Variants in GRM5 observed in about 807,000 individuals in gnomAD.
The protein encoded by GRM5 is metabotropic glutamate receptor 5.
A neutral mutation model predicts 83.1 loss-of-function variants in GRM5; 19 were observed. The observed-to-expected ratio is 0.23, with a 90% CI of 0.16 to 0.34. GRM5 has a LOEUF of 0.34. Ranked by LOEUF, GRM5 falls within the 10% of genes least tolerant of loss-of-function variation. GRM5 has a pLI of 1.00. For missense variants in GRM5, 1,160 were observed against 1,588.3 expected (o/e 0.73, Z 4.58); for synonymous variants, 675 against 633.6 (o/e 1.07, Z -0.98).
chr11:89,015,918 C>T (rs1423126563), intron 2 of GRM5, among the ~76,000 whole-genome samples: 1 of 152,090 alleles, frequency 6.6e-6, no homozygotes, highest in Non-Finnish European at 1.5e-5. Context: ...TTTGTTTTCT[C>T]TCCTGATCTA....
chr11:88,919,429 T>C (rs534036063), intron 2 of GRM5, among the ~76,000 whole-genome samples: 1 of 150,870 alleles, frequency 6.6e-6, no homozygotes, highest in Admixed American at 6.6e-5. Flanking sequence ...AAGAGAGTGA[T>C]AGATCCCAAT....
intron 2 of GRM5, among the ~76,000 whole-genome samples, chr11:88,850,504 C>T (rs1385371295): frequency 6.6e-6 from 1 of 151,830 alleles, no homozygotes; most frequent in Non-Finnish European, 1.5e-5. Context: ...TCTCACTTCC[C>T]TTTACTTCTC....
chr11:88,609,626 G>T (rs1176190266), intron 4 of GRM5, among the ~76,000 whole-genome samples: 1 of 152,090 alleles, frequency 6.6e-6, no homozygotes, highest in African/African-American at 2.4e-5. Context: ...ACACATTCTG[G>T]ATATTAGACA....
At chr11:88,734,383 A>C (rs1941867937) in intron 3 of GRM5, among the ~76,000 whole-genome samples, 1 of 152,012 alleles carries the variant, frequency 6.6e-6, no homozygotes, top group Non-Finnish European at 1.5e-5. Context: ...GTTGGGAGGA[A>C]TGTAAAATGG....
intron 2 of GRM5, among the ~76,000 whole-genome samples, chr11:88,850,691 T>C (rs916811626): frequency 1.3e-5 from 2 of 151,250 alleles, no homozygotes; most frequent in Non-Finnish European, 2.9e-5. Flanking sequence ...TGGTTTGGTC[T>C]TAATTGAAAA....
At position 88,604,754 on chromosome 11, in the gene GRM5, G is replaced by A. The variant is rs61741175; in HGVS notation, c.1358C>T (p.Thr453Met). 6,941 of 1,611,446 alleles carry A rather than the reference G, an allele frequency of 4.3e-3. 260 individuals carry two copies. In the African/African-American group the frequency reaches 0.081, roughly 19 times the overall value. ...KTNFTGVSGD[T>M]ILFDENGDSP... is the part of the protein sequence containing the mutation. ...GTCTCCATTCTCATCGAATAGGATC[G>A]TATCTCCAGAAACCCCAGTAAAATT... Residue 453 changes from threonine (T) to methionine (M), a missense_variant, in exon 5 of 10, where the codon ACG becomes ATG. Thr to Met is a moderately conservative substitution (Grantham distance 81, BLOSUM62 -1). Around this residue, in one of 9 missense-constraint regions of GRM5, gnomAD observed 132 missense variants for 197.6 expected, o/e 0.67. Transcript: ENST00000305447.
chr11:89,023,894 T>A (rs867820397), intron 2 of GRM5, among the ~76,000 whole-genome samples: 147 of 110,776 alleles, frequency 1.3e-3, no homozygotes, highest in South Asian at 9.7e-3. Context: ...AATAAATAAA[T>A]AAAAATAAAT....
chr11:88,649,309 C>G (rs933059844), intron 4 of GRM5, among the ~76,000 whole-genome samples: 1 of 136,766 alleles, frequency 7.3e-6, no homozygotes, highest in Non-Finnish European at 1.5e-5. Flanking sequence ...TTATACATTA[C>G]ATATTACATA....
intron 2 of GRM5, among the ~76,000 whole-genome samples, chr11:89,045,851 C>T (rs1465975331): frequency 6.6e-6 from 1 of 152,152 alleles, no homozygotes; most frequent in Non-Finnish European, 1.5e-5. Context: ...TTTTCTTATG[C>T]TTTTCACTGA....
chr11:88,913,587 CTTTTTT>C (rs5793358), intron 2 of GRM5, among the ~76,000 whole-genome samples: 2 of 87,386 alleles, frequency 2.3e-5, no homozygotes, highest in African/African-American at 8.0e-5. Flanking sequence ...CTCTCTCTCT[CTTTTTT>C]TTTTTTTTTT....
intron 2 of GRM5, among the ~76,000 whole-genome samples, chr11:88,887,927 A>C (rs549560134): frequency 6.6e-6 from 1 of 152,258 alleles, no homozygotes; most frequent in South Asian, 2.1e-4. Context: ...ATAATTCCCC[A>C]AAATGAGAAA....
intron 4 of GRM5, among the ~76,000 whole-genome samples, chr11:88,618,284 T>C (rs1168401600): frequency 6.6e-6 from 1 of 152,192 alleles, no homozygotes; most frequent in Admixed American, 6.5e-5. Flanking sequence ...ACGTCCAGAA[T>C]ATGGCAACTG....
intron 3 of GRM5, among the ~76,000 whole-genome samples, chr11:88,740,321 C>T (rs926796932): frequency 1.3e-5 from 2 of 151,868 alleles, no homozygotes; most frequent in Non-Finnish European, 2.9e-5. Flanking sequence ...CTATTGCCTC[C>T]CTTATTTCTT....
intron 8 of GRM5, among the ~76,000 whole-genome samples, chr11:88,525,680 A>G (rs2135108688): frequency 6.6e-6 from 1 of 152,368 alleles, no homozygotes; most frequent in Middle Eastern, 3.4e-3. Flanking sequence ...TTAATAGTCA[A>G]TGGTAAAGGT....
At chr11:88,693,105 A>G (rs1159122990) in intron 3 of GRM5, among the ~76,000 whole-genome samples, 1 of 152,068 alleles carries the variant, frequency 6.6e-6, no homozygotes, top group East Asian at 1.9e-4. Context: ...TTAAAGCTAT[A>G]CACGAAGATT....
At chr11:89,057,745 C>T (rs1217048586) in intron 1 of GRM5, among the ~76,000 whole-genome samples, 3 of 152,100 alleles carry the variant, frequency 2.0e-5, no homozygotes, top group Non-Finnish European at 4.4e-5. Context: ...GACTGTAAAT[C>T]ATTATTTATA....
At chr11:88,584,335 C>T (rs1591364599) in intron 7 of GRM5, among the ~76,000 whole-genome samples, 1 of 151,710 alleles carries the variant, frequency 6.6e-6, no homozygotes, top group Non-Finnish European at 1.5e-5. Context: ...TGTATCCTTC[C>T]TTTTCATGTT....
intron 2 of GRM5, among the ~76,000 whole-genome samples, chr11:88,926,859 T>C (rs1388818052): frequency 1.3e-5 from 2 of 152,168 alleles, no homozygotes; most frequent in Non-Finnish European, 2.9e-5. Flanking sequence ...ACTCAGCAAA[T>C]ACTTGTTCAA....
chr11:88,957,442 T>C (rs1265030417), intron 2 of GRM5, among the ~76,000 whole-genome samples: 1 of 152,162 alleles, frequency 6.6e-6, no homozygotes, highest in Non-Finnish European at 1.5e-5. Flanking sequence ...AAGCTGTAAG[T>C]TTATCTCAAC....
Sources: allele counts gnomAD v4.1 joint callset (sites outside exome capture counted in the v4.1 genomes callset), GRCh38; gene constraint gnomAD v4.1.1; regional missense constraint gnomAD v4.1.1; transcripts MANE v1.5; gene names NCBI Gene and HGNC (gene_info 2026-07-23, HGNC 2026-07-21).